Variants in TIMD4 observed in about 807,000 individuals in gnomAD.
The protein encoded by TIMD4 is T cell immunoglobulin and mucin domain containing 4.
In TIMD4, 31 loss-of-function variants were observed where a neutral mutation model predicts 41.2. The ratio of observed to expected loss-of-function variants is 0.75; its 90% CI spans 0.57 to 1.01. TIMD4 has a LOEUF of 1.01. Ranked by LOEUF, TIMD4 falls within the 50% of genes least tolerant of loss-of-function variation. The probability of loss-of-function intolerance (pLI) is 0.00; values close to 1 mark genes in which losing one functional copy is unlikely to be tolerated. For synonymous variants in TIMD4, 204 were observed against 177.1 expected, an observed-to-expected ratio of 1.15 and a Z score of -1.21; for missense variants, 479 against 472.5, an observed-to-expected ratio of 1.01 and a Z score of -0.13.
chr5:156,927,009 G>C (rs1581609969), intron 5 of TIMD4, among the ~76,000 whole-genome samples: 1 of 152,318 alleles, frequency 6.6e-6, no homozygotes, highest in East Asian at 1.9e-4. Flanking sequence ...ACTGCGGCAT[G>C]GCCCCTACCC....
Position 156,953,653 on chromosome 5 carries a change from CAAAAAA to C in TIMD4, c.400+756_400+761del, listed in dbSNP as rs35165963. 7.4e-3 allele frequency among the ~76,000 whole-genome samples: 433 copies of C among 58,494 alleles called. 3 individuals are homozygous for C. Among genetic ancestry groups the C allele is most frequent in the African/African-American group, 0.025 (401 of 15,764 alleles). 38.4% of individuals were successfully genotyped at this position (58,494 alleles called of 152,430 possible). ...TGGGCAACAAGAGCAAAACTCTGTC[CAAAAAA>C]AAAAAAAAAAAAAAAAGAGAGAGAG... On this transcript the variant is annotated intron_variant, in intron 2 of 8. Transcript: ENST00000274532.
chr5:156,924,684 A>T (rs1759314340), intron 6 of TIMD4: 1 of 175,364 alleles, frequency 5.7e-6, no homozygotes, highest in African/African-American at 2.4e-5. Context: ...AAAGCCAGGA[A>T]ATGTGAGGAA....
Position 156,949,791 on chromosome 5 carries a change from G to C in TIMD4, c.680-60C>G, listed in dbSNP as rs1759819191. The C allele has an allele frequency of 3.8e-6, 4 of 1,041,862 alleles. No homozygotes were observed. The Admixed American group carries it at 7.1e-5, about 18-fold the overall frequency. 64.5% of individuals were successfully genotyped at this position (1,041,862 alleles called of 1,614,324 possible). ...AAAAGTAGTTATTGTGTTTGTGGTG[G>C]GTGGTGGGATTTGGGATTATCTTTT... is the stretch of plus-strand genomic sequence containing the variant. On this transcript the variant is annotated intron_variant, in intron 3 of 8. Transcript: ENST00000274532.
At chr5:156,926,815 A>G (rs536572061) in intron 5 of TIMD4, among the ~76,000 whole-genome samples, 9 of 152,362 alleles carry the variant, frequency 5.9e-5, no homozygotes, top group African/African-American at 2.2e-4. Context: ...AAAATACAGT[A>G]TAAGGGACAT....
At chr5:156,926,692 G>A (rs1759354731) in intron 5 of TIMD4, among the ~76,000 whole-genome samples, 1 of 152,220 alleles carries the variant, frequency 6.6e-6, no homozygotes, top group African/African-American at 2.4e-5. Context: ...CATGCAGTGT[G>A]ATAGCTATAC....
intron 5 of TIMD4, among the ~76,000 whole-genome samples, chr5:156,927,293 G>A (rs534220403): frequency 7.9e-5 from 12 of 152,352 alleles, no homozygotes; most frequent in South Asian, 6.2e-4. Flanking sequence ...AGTTAAGGTC[G>A]TGTAAGAATT....
chr5:156,947,785 T>A (rs1008225967), intron 5 of TIMD4, among the ~76,000 whole-genome samples: 2 of 152,306 alleles, frequency 1.3e-5, no homozygotes, highest in East Asian at 1.9e-4. Context: ...CCTAGAATGA[T>A]CATCTTCAAC....
At chr5:156,923,011 T>C (rs1759277007) in intron 6 of TIMD4, among the ~76,000 whole-genome samples, 1 of 152,186 alleles carries the variant, frequency 6.6e-6, no homozygotes, top group Admixed American at 6.5e-5. Context: ...GATACCTGTA[T>C]AACAAACTTG....
At chr5:156,944,765 A>G (rs1759709759) in intron 5 of TIMD4, among the ~76,000 whole-genome samples, 1 of 151,960 alleles carries the variant, frequency 6.6e-6, no homozygotes. Flanking sequence ...TCGGCCTCCC[A>G]AAGTGCTGGG....
At chr5:156,949,880 C>T (rs888515683) in intron 3 of TIMD4, 149 bp from the exon 4 acceptor site, 16 of 575,436 alleles carry the variant, frequency 2.8e-5, no homozygotes, top group Middle Eastern at 5.0e-4. Context: ...TGCAGTGGCA[C>T]AATCTCTGCT....
Position 156,954,465 on chromosome 5 carries a change from G to C in TIMD4, c.350C>G (p.Pro117Arg). The C allele has an allele frequency of 6.2e-7, 1 of 1,614,202 alleles. No individual in the cohort carries two copies. Among genetic ancestry groups the C allele is most frequent in the Non-Finnish European group, 8.5e-7 (1 of 1,180,042 alleles). Reference sequence around the variant, plus strand: ...TATCTTTACATCGTTGAACCAGCCAGGCACTTCTATGCGGCAGCAGTACAC... The same window carrying C: ...TATCTTTACATCGTTGAACCAGCCACGCACTTCTATGCGGCAGCAGTACAC... Reference protein sequence around the residue: ...SGVYCCRIEVPGWFNDVKINV... With the variant: ...SGVYCCRIEVRGWFNDVKINV... The change falls in exon 2 of 9, where the codon CCT becomes CGT. Residue 117 changes from proline (P) to arginine (R), a missense_variant. Transcript: ENST00000274532.
At chr5:156,934,934 A>G (rs1422628107) in intron 5 of TIMD4, among the ~76,000 whole-genome samples, 1 of 152,226 alleles carries the variant, frequency 6.6e-6, no homozygotes, top group Non-Finnish European at 1.5e-5. Context: ...TATGTTTAAA[A>G]CAAAATTAGT....
Position 156,954,297 on chromosome 5 carries a change from C to G in TIMD4, c.400+118G>C, listed in dbSNP as rs1759920260. Reference sequence around the variant, plus strand: ...AAACCACGGCACTTTATTTCAAATTCAATCTTCCCACTCACTGTGAAAGCA... The same window carrying G: ...AAACCACGGCACTTTATTTCAAATTGAATCTTCCCACTCACTGTGAAAGCA... On this transcript the variant is annotated intron_variant, in intron 2 of 8. Coordinates refer to ENST00000274532, the MANE Select transcript of TIMD4 (RefSeq NM_138379.3). 3.0e-6 allele frequency: 3 copies of G among 985,446 alleles called. No individual in the cohort carries two copies. In the African/African-American group the frequency reaches 4.9e-5, roughly 16 times the overall value. 61.0% of individuals were successfully genotyped at this position (985,446 alleles called of 1,614,324 possible). A position where few individuals can be genotyped will look rare whatever the true frequency, so the allele number is the denominator to read the frequency against.
chr5:156,920,598 G>A, intron 7 of TIMD4, 95 bp from the exon 8 acceptor site: 1 of 1,313,092 alleles, frequency 7.6e-7, no homozygotes. Flanking sequence ...GCAAAGAGCA[G>A]ATATGGGCCA....
intron 2 of TIMD4, 81 bp from the exon 3 acceptor site, chr5:156,951,871 C>T (rs555167202): frequency 1.3e-6 from 2 of 1,573,742 alleles, no homozygotes; most frequent in East Asian, 2.2e-5. Flanking sequence ...TGGGACCCAT[C>T]CATTTCTGTT....
At chr5:156,951,170 A>G (rs539278047) in intron 3 of TIMD4, among the ~76,000 whole-genome samples, 2 of 152,252 alleles carry the variant, frequency 1.3e-5, no homozygotes, top group East Asian at 1.9e-4. Context: ...GGTCATATCA[A>G]TGGACCCTAA....
intron 5 of TIMD4, among the ~76,000 whole-genome samples, chr5:156,946,786 C>T (rs142735902): frequency 6.6e-6 from 1 of 151,850 alleles, no homozygotes; most frequent in South Asian, 2.1e-4. Context: ...CGCCTGGCCT[C>T]TTCTGAATTT....
intron 1 of TIMD4, among the ~76,000 whole-genome samples, chr5:156,960,600 T>C (rs1299607359): frequency 6.6e-6 from 1 of 152,052 alleles, no homozygotes; most frequent in Non-Finnish European, 1.5e-5. Flanking sequence ...AGAGACGGGG[T>C]TTCACCATGT....
intron 5 of TIMD4, among the ~76,000 whole-genome samples, chr5:156,935,828 A>T (rs1258978453): frequency 6.6e-6 from 1 of 152,220 alleles, no homozygotes; most frequent in Non-Finnish European, 1.5e-5. Context: ...CTCATGTGCC[A>T]ATAGCTGAGG....
Sources: allele counts gnomAD v4.1 joint callset (sites outside exome capture counted in the v4.1 genomes callset), GRCh38; gene constraint gnomAD v4.1.1; transcripts MANE v1.5; gene names NCBI Gene and HGNC (gene_info 2026-07-23, HGNC 2026-07-21).